Variants in PCDHGA1 observed in about 807,000 individuals in gnomAD.
PCDHGA1 encodes the protein protocadherin gamma subfamily A, 1, also known as protocadherin gamma-A1.
Under a neutral mutation model 58.0 loss-of-function variants are expected in PCDHGA1, and 32 were observed. That is an observed-to-expected ratio of 0.55 (90% CI 0.42 to 0.74). The LOEUF is 0.74. Among genes scored for constraint, PCDHGA1 ranks in the 30% least tolerant of loss-of-function variants. The pLI, the probability that PCDHGA1 is intolerant of heterozygous loss-of-function variation, is 0.00. For missense variants in PCDHGA1, 1,205 were observed against 1,182.3 expected (o/e 1.02, Z -0.28); for synonymous variants, 498 against 501.1 (o/e 0.99, Z 0.08).
intron 1 of PCDHGA1, chr5:141,361,161 T>C (rs1761911989): frequency 1.2e-6 from 2 of 1,613,838 alleles, no homozygotes; most frequent in African/African-American, 1.3e-5. Flanking sequence ...ATGACAACGA[T>C]TGTGCACCTG....
At chr5:141,413,080 A>G (rs2095603656) in intron 1 of PCDHGA1, 3 of 1,298,546 alleles carry the variant, frequency 2.3e-6, no homozygotes, top group Non-Finnish European at 3.2e-6. Context: ...TGCCCAGGCT[A>G]CAGAGACACC....
chr5:141,394,292 G>A (rs1173905383), intron 1 of PCDHGA1: 18 of 1,613,852 alleles, frequency 1.1e-5, no homozygotes, highest in Non-Finnish European at 1.4e-5. Flanking sequence ...CTGTGACCGA[G>A]GACACGCTGC....
chr5:141,355,951 G>A (rs1178682642), intron 1 of PCDHGA1: 2 of 1,613,798 alleles, frequency 1.2e-6, no homozygotes, highest in African/African-American at 1.3e-5. Flanking sequence ...CCACGTAAGT[G>A]TTCGTGAGAA....
At position 141,361,169 on chromosome 5, in the gene PCDHGA1, C is replaced by T. The variant is rs1761915168; in HGVS notation, c.2421+28064C>T. 1.9e-6 allele frequency: 3 copies of T among 1,613,908 alleles called. No homozygotes were observed. The East Asian group carries it at 6.7e-5, about 36-fold the overall frequency. On this transcript the variant is annotated intron_variant, in intron 1 of 3. Coordinates refer to ENST00000517417, the MANE Select transcript of PCDHGA1 (RefSeq NM_018912.3). ...ATTCTTGATGACAACGATTGTGCAC[C>T]TGAAGTTATTGTGACTTCAGTATCT...
In PCDHGA1 at chr5:141,476,524, T is replaced by C. The variant is rs1350353768; in HGVS notation, c.2422-18283T>C. On this transcript the variant is annotated intron_variant, in intron 1 of 3. Coordinates refer to ENST00000517417, the MANE Select transcript of PCDHGA1 (RefSeq NM_018912.3). The surrounding 1 kb of genome is among the most constrained non-coding windows in gnomAD (Gnocchi z 7.6). ...TCAACGACAACAATCCTGCTTTCCC[T>C]ACCCAGGAAATGAAATTGGAGATTA... 6.2e-7 allele frequency: 1 copy of C among 1,614,182 alleles called. No individual in the cohort carries two copies. Among genetic ancestry groups the C allele is most frequent in the Non-Finnish European group, 8.5e-7 (1 of 1,180,028 alleles).
intron 1 of PCDHGA1, chr5:141,414,202 G>A: frequency 6.2e-7 from 1 of 1,611,912 alleles, no homozygotes; most frequent in Non-Finnish European, 8.5e-7. Flanking sequence ...TACAGTAGAA[G>A]ATGTAAATGA....
intron 3 of PCDHGA1, among the ~76,000 whole-genome samples, chr5:141,506,402 G>A (rs1032556978): frequency 2.8e-5 from 4 of 143,790 alleles, no homozygotes; most frequent in East Asian, 2.0e-4. Flanking sequence ...GCAGAAAATC[G>A]CACCACTGCA....
rs757157488 is a variant in PCDHGA1 at position 141,477,668 on chromosome 5, A to G, written c.2422-17139A>G. ...TTTCACAATAAATCGTGACAATGGC[A>G]TAGTGTCATCCTTAGTGCCCCTAGA... On this transcript the variant is annotated intron_variant, in intron 1 of 3. Coordinates refer to ENST00000517417, the MANE Select transcript of PCDHGA1 (RefSeq NM_018912.3). The surrounding 1 kb of genome is among the most constrained non-coding windows in gnomAD (Gnocchi z 4.9). 10 of 1,614,104 alleles carry G rather than the reference A, an allele frequency of 6.2e-6. No individual in the cohort carries two copies. Among genetic ancestry groups the G allele is most frequent in the Non-Finnish European group, 8.5e-6 (10 of 1,180,046 alleles).
intron 1 of PCDHGA1, among the ~76,000 whole-genome samples, chr5:141,472,527 G>A (rs905459978): frequency 1.3e-5 from 2 of 151,468 alleles, no homozygotes; most frequent in African/African-American, 4.9e-5. Flanking sequence ...GTGACAGAGT[G>A]AGACACCATC....
At chr5:141,420,164 A>G (rs2096471602) in intron 1 of PCDHGA1, 1 of 1,614,040 alleles carries the variant, frequency 6.2e-7, no homozygotes, top group Non-Finnish European at 8.5e-7. Context: ...TAATTTTTTC[A>G]CATCTGTTGA....
Position 141,330,819 on chromosome 5 carries a change from A to G in PCDHGA1, c.135A>G (p.Val45=), listed in dbSNP as rs781123376. The change falls in exon 1 of 4, where the codon GTA becomes GTG. Residue 45 remains valine, a synonymous_variant. Coordinates refer to ENST00000517417, the MANE Select transcript of PCDHGA1 (RefSeq NM_018912.3). ...AAGAGACAGACAAAGGTTCCTTCGT[A>G]GGCAACATCGCCAAGGACCTAGGGC... ...VPEETDKGSF[V]GNIAKDLGLQ... 6.2e-7 allele frequency: 1 copy of G among 1,614,204 alleles called. No homozygotes were observed. Among genetic ancestry groups the G allele is most frequent in the East Asian group, 2.2e-5 (1 of 44,878 alleles).
Position 141,394,457 on chromosome 5 carries a change from G to A in PCDHGA1, c.2421+61352G>A, listed in dbSNP as rs375756271. 4 of 1,614,096 alleles carry A rather than the reference G, an allele frequency of 2.5e-6. No homozygotes were observed. The African/African-American group carries it at 4.0e-5, about 16-fold the overall frequency. On this transcript the variant is annotated intron_variant, in intron 1 of 3. Transcript: ENST00000517417. Reference sequence around the variant, plus strand: ...CGCCCCTCAGCAGCAACATGTCACTGAGCCTGTTCGTGCTGGACCAGAATG... The same window carrying A: ...CGCCCCTCAGCAGCAACATGTCACTAAGCCTGTTCGTGCTGGACCAGAATG...
intron 1 of PCDHGA1, chr5:141,422,052 C>T: frequency 6.2e-7 from 1 of 1,611,298 alleles, no homozygotes; most frequent in Non-Finnish European, 8.5e-7. Flanking sequence ...AGGGAATCAA[C>T]GGGGAAGTAA....
At chr5:141,353,398 T>C (rs1420733789) in intron 1 of PCDHGA1, among the ~76,000 whole-genome samples, 1 of 152,248 alleles carries the variant, frequency 6.6e-6, no homozygotes. Context: ...ATGTAATTAA[T>C]GTAATCTTCA....
chr5:141,477,571 C>A lies in PCDHGA1; in HGVS notation c.2422-17236C>A, dbSNP rs1470454976. ...TAAACCTAAGTGTCTGGGACCCCGA[C>A]GCCCCGCAGAATGCTCGGCTTTCTT... is the stretch of plus-strand genomic sequence containing the variant. On this transcript the variant is annotated intron_variant, in intron 1 of 3. Coordinates refer to ENST00000517417, the MANE Select transcript of PCDHGA1 (RefSeq NM_018912.3). The surrounding 1 kb of genome is among the most constrained non-coding windows in gnomAD (Gnocchi z 4.9). The A allele has an allele frequency of 3.1e-6, 5 of 1,614,042 alleles. No homozygotes were observed. In the South Asian group the frequency reaches 4.4e-5, roughly 14 times the overall value.
At chr5:141,498,137 G>T (rs1319960274) in intron 2 of PCDHGA1, among the ~76,000 whole-genome samples, 1 of 152,204 alleles carries the variant, frequency 6.6e-6, no homozygotes, top group Non-Finnish European at 1.5e-5. Context: ...GGAGCAGGAG[G>T]ACATCCTGGA....
chr5:141,495,300 C>T (rs1249195819), intron 2 of PCDHGA1, among the ~76,000 whole-genome samples: 1 of 152,204 alleles, frequency 6.6e-6, no homozygotes, highest in Non-Finnish European at 1.5e-5. Context: ...AGCGCCTCCT[C>T]CAGAGCCTCC....
At chr5:141,360,900 G>A in intron 1 of PCDHGA1, 1 of 1,614,038 alleles carries the variant, frequency 6.2e-7, no homozygotes, top group Non-Finnish European at 8.5e-7. Context: ...GGGAGGACGT[G>A]CCGCCGGGCT....
chr5:141,372,802 T>G, intron 1 of PCDHGA1: 1 of 1,594,058 alleles, frequency 6.3e-7, no homozygotes, highest in Non-Finnish European at 8.6e-7. Flanking sequence ...TCAGGCAATT[T>G]GCAAAAGGTG....
Sources: gnomAD v4.1 joint callset for allele counts (sites outside exome capture counted in the v4.1 genomes callset) on GRCh38, gnomAD v4.1.1 for gene constraint, Gnocchi (gnomAD v3.1) non-coding constraint, MANE v1.5 for transcripts, NCBI Gene and HGNC (gene_info 2026-07-23, HGNC 2026-07-21) for gene names.